The following PTPRT variants were observed in gnomAD, a reference collection of about 807,000 sequenced individuals.
The protein encoded by PTPRT is protein tyrosine phosphatase receptor type T.
A neutral mutation model predicts 176.8 loss-of-function variants in PTPRT; 56 were observed. The ratio of observed to expected loss-of-function variants is 0.32; its 90% confidence interval spans 0.26 to 0.40. The LOEUF is 0.40. Ranked by LOEUF, PTPRT falls within the 10% of genes least tolerant of loss-of-function variation. The pLI is 1.00. For synonymous variants in PTPRT, 783 were observed against 739.0 expected (o/e 1.06, Z -0.96); for missense variants, 1,540 against 1,908.2 (o/e 0.81, Z 3.60).
At chr20:42,485,637 T>C (rs2071453341) in intron 7 of PTPRT, among the ~76,000 whole-genome samples, 1 of 152,108 alleles carries the variant, frequency 6.6e-6, no homozygotes, top group Non-Finnish European at 1.5e-5. Context: ...CATATTCAGA[T>C]CCAGGGTTTT....
chr20:42,386,059 G>A (rs1168930174), intron 9 of PTPRT, among the ~76,000 whole-genome samples: 1 of 152,042 alleles, frequency 6.6e-6, no homozygotes, highest in Admixed American at 6.6e-5. Flanking sequence ...CATATATAAA[G>A]CTTTGAATAA....
intron 12 of PTPRT, among the ~76,000 whole-genome samples, chr20:42,290,468 A>G (rs1204665913): frequency 6.6e-6 from 1 of 151,962 alleles, no homozygotes; most frequent in Admixed American, 6.6e-5. Flanking sequence ...CCCATCAATC[A>G]AATGATGGAG....
intron 16 of PTPRT, among the ~76,000 whole-genome samples, chr20:42,179,690 T>C (rs1324828763): frequency 2.0e-5 from 3 of 152,218 alleles, no homozygotes; most frequent in Non-Finnish European, 2.9e-5. Flanking sequence ...GCAATGATGC[T>C]TTCAGAAAAC....
At chr20:42,712,273 G>A (rs2076156085) in intron 6 of PTPRT, among the ~76,000 whole-genome samples, 1 of 152,124 alleles carries the variant, frequency 6.6e-6, no homozygotes, top group Admixed American at 6.5e-5. Flanking sequence ...GCCCTGCCTG[G>A]ATGTCAGCTT....
intron 17 of PTPRT, among the ~76,000 whole-genome samples, chr20:42,151,064 G>C (rs1337488609): frequency 6.6e-6 from 1 of 151,598 alleles, no homozygotes; most frequent in Non-Finnish European, 1.5e-5. Flanking sequence ...ATATAATATT[G>C]AGCCTTTTTG....
At chr20:42,277,076 T>C (rs1181668538) in intron 13 of PTPRT, among the ~76,000 whole-genome samples, 1 of 152,164 alleles carries the variant, frequency 6.6e-6, no homozygotes, top group Non-Finnish European at 1.5e-5. Flanking sequence ...GCTGTCACTA[T>C]TGGAACAATG....
intron 1 of PTPRT, among the ~76,000 whole-genome samples, chr20:43,125,988 G>A (rs963870614): frequency 6.6e-6 from 1 of 152,340 alleles, no homozygotes; most frequent in Admixed American, 6.5e-5. Context: ...TTGGGAGAAG[G>A]TTTGTCAAAA....
At chr20:42,509,537 A>C (rs2071915101) in intron 7 of PTPRT, among the ~76,000 whole-genome samples, 1 of 146,906 alleles carries the variant, frequency 6.8e-6, no homozygotes, top group Admixed American at 6.9e-5. Flanking sequence ...TATATAAATT[A>C]ATATATATCA....
intron 1 of PTPRT, among the ~76,000 whole-genome samples, chr20:43,088,634 C>T (rs2011703712): frequency 6.6e-6 from 1 of 152,118 alleles, no homozygotes; most frequent in South Asian, 2.1e-4. Flanking sequence ...CCAGCAGGGT[C>T]ACCCAAACAG....
rs1982987793 is a variant in PTPRT, at chr20:42,078,397, G to C, written c.*2482C>G. 1 of 210,980 alleles carries C rather than the reference G, an allele frequency of 4.7e-6. No homozygotes were observed. The highest frequency in any genetic ancestry group is 2.3e-5 in the African/African-American group (1 of 43,974). 13.1% of individuals were successfully genotyped at this position (210,980 alleles called of 1,614,324 possible). A position where few individuals can be genotyped will look rare whatever the true frequency, so the allele number is the denominator to read the frequency against. ...TGCTCCGTGGTAAAGCAGAGACCCT[G>C]GGTTTCTCATAGAATCTGAGTCTCA... On this transcript the variant is annotated 3_prime_UTR_variant, in exon 31 of 31. Transcript: ENST00000373187.
chr20:42,728,627 T>C (rs2076414822), intron 6 of PTPRT, among the ~76,000 whole-genome samples: 1 of 152,064 alleles, frequency 6.6e-6, no homozygotes, highest in South Asian at 2.1e-4. Context: ...GGTAAAGCCA[T>C]TGTTCCTACA....
chr20:42,816,711 A>T (rs980705947), intron 2 of PTPRT, among the ~76,000 whole-genome samples: 3 of 152,140 alleles, frequency 2.0e-5, no homozygotes, highest in Non-Finnish European at 4.4e-5. Flanking sequence ...TTCTGCCATG[A>T]TTGTAAGTTT....
At chr20:42,638,146 T>C (rs1175533736) in intron 7 of PTPRT, among the ~76,000 whole-genome samples, 2 of 152,112 alleles carry the variant, frequency 1.3e-5, no homozygotes, top group East Asian at 1.9e-4. Context: ...ATTCTATCCA[T>C]AGATAAACAC....
chr20:42,282,495 T>A lies in PTPRT; in HGVS notation c.2170A>T (p.Thr724Ser). The A allele has an allele frequency of 6.2e-7, 1 of 1,611,022 alleles. No individual in the cohort carries two copies. Among genetic ancestry groups the A allele is most frequent in the East Asian group, 2.2e-5 (1 of 44,748 alleles). ...CAAGCAGATGCCAACATACCTTTTG[T>A]AGCCAGACGAACACAGTTGATTTTG... ...ETKINCVRLA[T>S]KGASTQNSNT... Residue 724 changes from threonine (T) to serine (S), a missense_variant, in exon 13 of 31, where the codon ACA becomes TCA. Coordinates refer to ENST00000373187, the MANE Select transcript of PTPRT (RefSeq NM_007050.6).
At chr20:42,345,618 GTATA>G (rs376535646) in intron 11 of PTPRT, among the ~76,000 whole-genome samples, 125 of 105,668 alleles carry the variant, frequency 1.2e-3, no homozygotes, top group Middle Eastern at 6.2e-3. Context: ...GTGTGTGTGT[GTATA>G]TATATGTATG....
chr20:42,323,324 G>C (rs1276928750), intron 11 of PTPRT, among the ~76,000 whole-genome samples: 6 of 151,780 alleles, frequency 4.0e-5, no homozygotes, highest in Non-Finnish European at 8.8e-5. Flanking sequence ...TGTTTATTGC[G>C]GCACTATTCA....
chr20:42,957,851 G>A (rs925446991), intron 1 of PTPRT, among the ~76,000 whole-genome samples: 12 of 152,080 alleles, frequency 7.9e-5, no homozygotes, highest in Admixed American at 7.9e-4. Flanking sequence ...GAGGAAAGTT[G>A]GTAATTGAGA....
At chr20:42,329,689 G>T (rs2057939914) in intron 11 of PTPRT, among the ~76,000 whole-genome samples, 1 of 152,168 alleles carries the variant, frequency 6.6e-6, no homozygotes, top group South Asian at 2.1e-4. Context: ...ACATTATCAG[G>T]GAGGATCAAC....
intron 1 of PTPRT, among the ~76,000 whole-genome samples, chr20:43,139,383 A>G (rs549095635): frequency 1.3e-5 from 2 of 152,174 alleles, no homozygotes; most frequent in African/African-American, 4.8e-5. Context: ...ATTTTTCCTG[A>G]ATTAGAATTA....
Sources: allele counts gnomAD v4.1 joint callset (sites outside exome capture counted in the v4.1 genomes callset), GRCh38; gene constraint gnomAD v4.1.1; transcripts MANE v1.5; gene names NCBI Gene and HGNC (gene_info 2026-07-23, HGNC 2026-07-21).